The following SEC24B variants were observed in gnomAD, a reference collection of about 807,000 sequenced individuals.
The protein encoded by SEC24B is SEC24 homolog B, COPII component.
SEC24B carries 45 observed loss-of-function variants against 142.8 expected under a neutral mutation model. That is an observed-to-expected ratio of 0.32 (90% CI 0.25 to 0.40). The LOEUF is 0.40. Among genes scored for constraint, SEC24B ranks in the 10% least tolerant of loss-of-function variants. The pLI is 1.00. For synonymous variants in SEC24B, 574 were observed against 568.2 expected, an observed-to-expected ratio of 1.01 and a Z score of -0.15; for missense variants, 1,409 against 1,526.8, an observed-to-expected ratio of 0.92 and a Z score of 1.29.
At chr4:109,527,978 C>T (rs1724443934) in intron 18 of SEC24B, among the ~76,000 whole-genome samples, 1 of 152,066 alleles carries the variant, frequency 6.6e-6, no homozygotes, top group Non-Finnish European at 1.5e-5. Context: ...ATAATATATG[C>T]ACAATCCATG....
chr4:109,525,347 T>C lies in SEC24B; in HGVS notation c.2634T>C (p.Ala878=), dbSNP rs1299245957. Residue 878 remains alanine, a splice_region_variant and synonymous_variant, in exon 16 of 24, where the codon GCT becomes GCC. Transcript: ENST00000265175. ...TACTTTTTGTATTTCTCTCTAAAGC[T>C]TGCATGTCCAAGTATTCTGCAGGGT... The part of the protein sequence containing the change: ...SSQYSDLASL[A]CMSKYSAGCI... 6.3e-7 allele frequency: 1 copy of C among 1,585,608 alleles called. No homozygotes were observed. Among genetic ancestry groups the C allele is most frequent in the African/African-American group, 1.4e-5 (1 of 73,700 alleles).
intron 6 of SEC24B, among the ~76,000 whole-genome samples, chr4:109,500,454 G>T (rs1735999753): frequency 6.7e-6 from 1 of 149,106 alleles, no homozygotes; most frequent in African/African-American, 2.5e-5. Flanking sequence ...TGAAGCAGGA[G>T]AATTGCTTGA....
intron 15 of SEC24B, 78 bp downstream of exon 15, chr4:109,525,019 C>A: frequency 7.6e-7 from 1 of 1,310,468 alleles, no homozygotes; most frequent in Non-Finnish European, 1.1e-6. Flanking sequence ...CTTCAGTAAG[C>A]ATTCTCTATA....
intron 4 of SEC24B, among the ~76,000 whole-genome samples, chr4:109,483,747 T>G (rs1268591837): frequency 1.3e-5 from 2 of 152,230 alleles, no homozygotes; most frequent in Non-Finnish European, 2.9e-5. Context: ...GAAATAATTT[T>G]TCTTACTCTA....
intron 1 of SEC24B, among the ~76,000 whole-genome samples, chr4:109,456,369 A>G (rs1343300425): frequency 3.0e-5 from 2 of 67,636 alleles, no homozygotes; most frequent in South Asian, 3.8e-4. Flanking sequence ...TTTCCAGTCT[A>G]TCTACTATTT....
chr4:109,473,109 GAA>G lies in SEC24B; in HGVS notation c.984_985del (p.Arg328SerfsTer10). The stretch of plus-strand genomic sequence containing the variant: ...GGATCCTCAGGATCCTCATCAACAA[GAA>G]CACCTCCCACTGCAAATCACCCAGT... On this transcript the variant is annotated frameshift_variant, in exon 3 of 24. Transcript: ENST00000265175. LOFTEE classifies it high-confidence loss of function. The G allele has an allele frequency of 6.2e-7, 1 of 1,600,762 alleles. No homozygotes were observed. The highest frequency in any genetic ancestry group is 8.5e-7 in the Non-Finnish European group (1 of 1,173,826).
At chr4:109,434,842 CCG>C (rs1246966322) in intron 1 of SEC24B, among the ~76,000 whole-genome samples, 7 of 152,158 alleles carry the variant, frequency 4.6e-5, no homozygotes, top group Admixed American at 1.3e-4. Context: ...AGCACGAAAG[CCG>C]CTTTCATATT....
At position 109,446,188 on chromosome 4, in the gene SEC24B, A is replaced by G. The variant is rs74447545; in HGVS notation, c.133+12186A>G. Among the ~76,000 whole-genome samples, 396 of 152,302 alleles carry G rather than the reference A, an allele frequency of 2.6e-3. 2 individuals are homozygous for G. The highest frequency in any genetic ancestry group is 9.0e-3 in the African/African-American group (374 of 41,558). ...CAGTGATTAAGTTAAGGATCTTGAG[A>G]TGGGGTTTTCCTGGAACTTGGTAGG... On this transcript the variant is annotated intron_variant, in intron 1 of 23. Coordinates refer to ENST00000265175, the MANE Select transcript of SEC24B (RefSeq NM_006323.5).
At chr4:109,539,288 T>A (rs1725933612) in intron 23 of SEC24B, among the ~76,000 whole-genome samples, 1 of 151,446 alleles carries the variant, frequency 6.6e-6, no homozygotes, top group Admixed American at 6.6e-5. Flanking sequence ...TTTTTTTTTT[T>A]AAGCAATGGG....
intron 4 of SEC24B, among the ~76,000 whole-genome samples, chr4:109,482,430 T>G (rs1015849263): frequency 1.3e-5 from 2 of 152,206 alleles, no homozygotes; most frequent in Non-Finnish European, 2.9e-5. Context: ...TTAATTCTAA[T>G]ACAGGTTGAA....
In SEC24B at chr4:109,474,469, G is replaced by A. The variant is rs546798755; in HGVS notation, c.1060+1283G>A. Among the ~76,000 whole-genome samples the A allele has an allele frequency of 6.4e-4, 97 of 150,934 alleles. 1 individual carries two copies. The highest frequency in any genetic ancestry group is 6.0e-4 in the Non-Finnish European group (41 of 67,808). On this transcript the variant is annotated intron_variant, in intron 3 of 23. Transcript: ENST00000265175. ...GTTGGGAGTCTTGCTCTGTCACCCG[G>A]GGTTGAGTGCAGTGGCATGATCTTG...
rs186668317 is a variant in SEC24B at position 109,527,971 on chromosome 4, A to G, written c.3076+539A>G. Among the ~76,000 whole-genome samples the G allele has an allele frequency of 2.4e-4, 36 of 152,354 alleles. No homozygotes were observed. The East Asian group carries it at 5.8e-3, about 24-fold the overall frequency. Reference sequence around the variant, plus strand: ...TAAAAACTGAAATGTCCTTCAAATAATATATGCACAATCCATGGTACACTC... The same window carrying G: ...TAAAAACTGAAATGTCCTTCAAATAGTATATGCACAATCCATGGTACACTC... On this transcript the variant is annotated intron_variant, in intron 18 of 23. Coordinates refer to ENST00000265175, the MANE Select transcript of SEC24B (RefSeq NM_006323.5).
intron 18 of SEC24B, among the ~76,000 whole-genome samples, chr4:109,529,827 A>C (rs1230011672): frequency 6.6e-6 from 1 of 152,174 alleles, no homozygotes; most frequent in Non-Finnish European, 1.5e-5. Context: ...TCGACCTCCC[A>C]GGCTCAAGCA....
At chr4:109,507,887 C>T (rs28629377) in intron 7 of SEC24B, among the ~76,000 whole-genome samples, 5 of 152,032 alleles carry the variant, frequency 3.3e-5, no homozygotes, top group Non-Finnish European at 5.9e-5. Context: ...TCAGGTGATC[C>T]GCCCACCTCG....
chr4:109,534,897 C>T (rs752060190), intron 22 of SEC24B, among the ~76,000 whole-genome samples: 9 of 152,126 alleles, frequency 5.9e-5, no homozygotes, highest in South Asian at 2.1e-4. Flanking sequence ...AGGCTGGTCT[C>T]GAACTACTGG....
At chr4:109,535,927 C>G (rs1725488146) in intron 22 of SEC24B, among the ~76,000 whole-genome samples, 1 of 151,980 alleles carries the variant, frequency 6.6e-6, no homozygotes, top group Non-Finnish European at 1.5e-5. Context: ...TAACCAATAC[C>G]AAGGAAATAT....
intron 2 of SEC24B, among the ~76,000 whole-genome samples, chr4:109,471,095 A>C (rs1456478639): frequency 6.6e-6 from 1 of 152,160 alleles, no homozygotes; most frequent in East Asian, 1.9e-4. Context: ...ATACACATAC[A>C]TACATGTGTA....
chr4:109,510,454 G>A (rs1026755248), intron 8 of SEC24B, among the ~76,000 whole-genome samples: 1 of 152,162 alleles, frequency 6.6e-6, no homozygotes, highest in African/African-American at 2.4e-5. Flanking sequence ...AGTATGAGAA[G>A]TGATTCCCTG....
chr4:109,447,899 G>T (rs1729631193), intron 1 of SEC24B, among the ~76,000 whole-genome samples: 1 of 152,196 alleles, frequency 6.6e-6, no homozygotes, highest in African/African-American at 2.4e-5. Flanking sequence ...ATCTAAGGGA[G>T]AATTAATTTC....
Sources: allele counts gnomAD v4.1 joint callset (sites outside exome capture counted in the v4.1 genomes callset), GRCh38; gene constraint gnomAD v4.1.1; transcripts MANE v1.5; gene names NCBI Gene and HGNC (gene_info 2026-07-23, HGNC 2026-07-21).